Variants in TCF4 observed in about 807,000 individuals in gnomAD.
TCF4 encodes the protein transcription factor 4, also known as SL3-3 enhancer factor 2.
A neutral mutation model predicts 82.1 loss-of-function variants in TCF4; 3 were observed. The ratio of observed to expected loss-of-function variants is 0.04; its 90% confidence interval spans 0.02 to 0.09. The LOEUF (loss-of-function observed/expected upper bound fraction) is 0.09. Among genes scored for constraint, TCF4 ranks in the 10% least tolerant of loss-of-function variants. The probability of loss-of-function intolerance (pLI) is 1.00; values close to 1 mark genes in which losing one functional copy is unlikely to be tolerated. For synonymous variants in TCF4, 276 were observed against 309.6 expected (o/e 0.89, Z 1.14); for missense variants, 518 against 852.7 (o/e 0.61, Z 4.89).
At chr18:55,278,868 C>T (rs535805602) in intron 9 of TCF4, among the ~76,000 whole-genome samples, 14 of 152,282 alleles carry the variant, frequency 9.2e-5, no homozygotes, top group African/African-American at 2.6e-4. Flanking sequence ...CACTCGGCCA[C>T]ATCTTGGTCT....
intron 11 of TCF4, among the ~76,000 whole-genome samples, chr18:55,263,741 T>C (rs78139217): frequency 2.0e-5 from 3 of 151,824 alleles, no homozygotes; most frequent in Non-Finnish European, 4.4e-5. Flanking sequence ...TTTTTTTTTT[T>C]CCTAGAAGCG....
chr18:55,353,004 TTTC>T (rs912155265), intron 6 of TCF4, among the ~76,000 whole-genome samples: 1 of 152,182 alleles, frequency 6.6e-6, no homozygotes, highest in African/African-American at 2.4e-5. Flanking sequence ...ATCACCCCTA[TTTC>T]TTCATTTTTC....
At chr18:55,312,442 A>G (rs1048979295) in intron 8 of TCF4, among the ~76,000 whole-genome samples, 1 of 152,208 alleles carries the variant, frequency 6.6e-6, no homozygotes, top group African/African-American at 2.4e-5. Context: ...TCATCTAAAG[A>G]TAATGGAGGA....
intron 8 of TCF4, among the ~76,000 whole-genome samples, chr18:55,280,541 A>AT (rs1183837868): frequency 6.6e-6 from 1 of 151,874 alleles, no homozygotes; most frequent in South Asian, 2.1e-4. Flanking sequence ...GCTAAATATA[A>AT]TTTTTTTTAA....
At chr18:55,389,356 G>T (rs1047778595) in intron 6 of TCF4, among the ~76,000 whole-genome samples, 1 of 152,112 alleles carries the variant, frequency 6.6e-6, no homozygotes, top group Non-Finnish European at 1.5e-5. Context: ...CCTAGCCCTT[G>T]CCCCTAGCCT....
intron 3 of TCF4, among the ~76,000 whole-genome samples, chr18:55,477,041 T>A (rs908188693): frequency 7.2e-5 from 11 of 152,222 alleles, no homozygotes; most frequent in Non-Finnish European, 1.6e-4. Flanking sequence ...AGTTCCCATA[T>A]GTTACAACTT....
chr18:55,286,195 C>CT (rs1325315267), intron 8 of TCF4, among the ~76,000 whole-genome samples: 3 of 151,890 alleles, frequency 2.0e-5, no homozygotes, highest in Admixed American at 6.5e-5. Context: ...ATGTTTTTAG[C>CT]TTTTTTGCTG....
In TCF4 at chr18:55,455,103, C is replaced by A. The variant is rs1355210291; in HGVS notation, c.304+5916G>T. Among the ~76,000 whole-genome samples the A allele has an allele frequency of 2.0e-5, 3 of 148,936 alleles. No homozygotes were observed. In the East Asian group the frequency reaches 6.0e-4, roughly 30 times the overall value. Reference sequence around the variant, plus strand: ...TCAGCAGGCTAAGGTGGGAGGCTCACCTGAGCCCAGGAAGTTGAGGCTTCA... The same window carrying A: ...TCAGCAGGCTAAGGTGGGAGGCTCAACTGAGCCCAGGAAGTTGAGGCTTCA... On this transcript the variant is annotated intron_variant, in intron 5 of 19. Transcript: ENST00000354452.
At chr18:55,631,494 G>C in intron 1 of TCF4, 3 of 1,221,402 alleles carry the variant, frequency 2.5e-6, no homozygotes, top group South Asian at 1.5e-5. Context: ...TTTTGGGTTA[G>C]GGTAATGCCC....
intron 2 of TCF4, among the ~76,000 whole-genome samples, chr18:55,611,752 A>T (rs929662390): frequency 1.3e-5 from 2 of 152,172 alleles, no homozygotes; most frequent in African/African-American, 4.8e-5. Flanking sequence ...CATAAAATCA[A>T]TGTAAAAATA....
intron 8 of TCF4, chr18:55,320,866 G>A (rs568151302): frequency 6.6e-6 from 1 of 152,446 alleles, no homozygotes; most frequent in Non-Finnish European, 1.5e-5. Context: ...TCCTTCAGTG[G>A]GCCCAGACGA....
chr18:55,591,443 A>G (rs779158802), upstream of TCF4, among the ~76,000 whole-genome samples: 1 of 152,224 alleles, frequency 6.6e-6, no homozygotes, highest in African/African-American at 2.4e-5. Flanking sequence ...GTTAGATTAG[A>G]TAATCCAATA....
intron 2 of TCF4, among the ~76,000 whole-genome samples, chr18:55,614,500 T>C (rs1347749254): frequency 3.3e-5 from 5 of 152,326 alleles, no homozygotes; most frequent in African/African-American, 1.2e-4. Flanking sequence ...TTCACTGTGG[T>C]TTTAATTTGC....
chr18:55,247,733 T>G (rs2053729858), intron 15 of TCF4, among the ~76,000 whole-genome samples: 1 of 152,196 alleles, frequency 6.6e-6, no homozygotes, highest in South Asian at 2.1e-4. Flanking sequence ...AAACTTTTTT[T>G]CAGGTTAAAT....
At position 55,281,430 on chromosome 18, in the gene TCF4, A is replaced by G. The variant is rs879656350; in HGVS notation, c.550-1774T>C. On this transcript the variant is annotated intron_variant, in intron 8 of 19. Coordinates refer to ENST00000354452, the MANE Select transcript of TCF4 (RefSeq NM_001083962.2). ...GGAATGATTGTAGTGTGACTATAAT[A>G]TATCTACACGCTATTAGCCTGACAG... Among the ~76,000 whole-genome samples, 67 of 152,292 alleles carry G rather than the reference A, an allele frequency of 4.4e-4. 1 individual carries two copies. The highest frequency in any genetic ancestry group is 6.8e-3 in the Middle Eastern group (2 of 294).
chr18:55,490,190 T>C (rs1392091958), intron 3 of TCF4, among the ~76,000 whole-genome samples: 1 of 152,210 alleles, frequency 6.6e-6, no homozygotes, highest in African/African-American at 2.4e-5. Context: ...AGTCTTCATA[T>C]CAAAGCCAGT....
At chr18:55,362,356 A>G (rs1255625162) in intron 6 of TCF4, among the ~76,000 whole-genome samples, 1 of 95,322 alleles carries the variant, frequency 1.0e-5, no homozygotes, top group Non-Finnish European at 2.2e-5. Flanking sequence ...GAAGGAAGGA[A>G]GGAAGGAAGG....
intron 8 of TCF4, among the ~76,000 whole-genome samples, chr18:55,338,039 G>A (rs943618603): frequency 4.0e-5 from 6 of 151,736 alleles, no homozygotes; most frequent in African/African-American, 1.5e-4. Context: ...CATCAGTCTC[G>A]CTGCTGCCAA....
At chr18:55,612,236 G>A (rs2097707738) in intron 2 of TCF4, among the ~76,000 whole-genome samples, 1 of 152,150 alleles carries the variant, frequency 6.6e-6, no homozygotes, top group East Asian at 1.9e-4. Flanking sequence ...CACATTTCTA[G>A]GGGGATTGGG....
Sources: gnomAD v4.1 joint callset for allele counts (sites outside exome capture counted in the v4.1 genomes callset) on GRCh38, gnomAD v4.1.1 for gene constraint, MANE v1.5 for transcripts, NCBI Gene and HGNC (gene_info 2026-07-23, HGNC 2026-07-21) for gene names.